The following EFCAB6 variants were observed in gnomAD, a reference collection of about 807,000 sequenced individuals.
EFCAB6 encodes EF-hand calcium-binding domain-containing protein 6.
In EFCAB6, 156 loss-of-function variants were observed where a neutral mutation model predicts 169.8. The observed-to-expected ratio is 0.92, with a 90% CI of 0.81 to 1.05. The LOEUF (loss-of-function observed/expected upper bound fraction) is 1.05. Among genes scored for constraint, EFCAB6 ranks in the 50% least tolerant of loss-of-function variants. EFCAB6 has a pLI of 0.00. For synonymous variants in EFCAB6, 698 were observed against 676.4 expected, an observed-to-expected ratio of 1.03 and a Z score of -0.50; for missense variants, 1,800 against 1,829.1, an observed-to-expected ratio of 0.98 and a Z score of 0.29.
At chr22:43,687,198 C>A (rs2147143360) in intron 11 of EFCAB6, among the ~76,000 whole-genome samples, 1 of 152,334 alleles carries the variant, frequency 6.6e-6, no homozygotes, top group South Asian at 2.1e-4. Flanking sequence ...CTGTCTCCAC[C>A]ACACTCTGAG....
chr22:43,632,116 C>T lies in EFCAB6; in HGVS notation c.2221G>A (p.Glu741Lys), dbSNP rs768195828. ...CLKLFPRRLKESFRDPYSAFF... is the reference protein window; with the variant it reads ...CLKLFPRRLKKSFRDPYSAFF... ...CAGTCACGGTTTACCCGGAATGACT[C>T]CTTCAGCCTCCTAGGGAAAAGCTTC... Residue 741 changes from glutamate to lysine, a missense_variant, in exon 19 of 32, where the codon GAG becomes AAG. Glu to Lys is a moderately conservative substitution (Grantham distance 56). Coordinates refer to ENST00000262726, the MANE Select transcript of EFCAB6 (RefSeq NM_022785.4). The T allele has an allele frequency of 1.2e-6, 2 of 1,613,894 alleles. No individual in the cohort carries two copies. Among genetic ancestry groups the T allele is most frequent in the Middle Eastern group, 1.6e-4 (1 of 6,080 alleles).
At chr22:43,698,047 T>C (rs2058639460) in intron 10 of EFCAB6, among the ~76,000 whole-genome samples, 2 of 152,160 alleles carry the variant, frequency 1.3e-5, no homozygotes. Flanking sequence ...AAGAACACCC[T>C]GCAATATAGC....
chr22:43,738,388 A>G (rs1301743395), intron 6 of EFCAB6, among the ~76,000 whole-genome samples: 1 of 150,656 alleles, frequency 6.6e-6, no homozygotes, highest in Non-Finnish European at 1.5e-5. Flanking sequence ...ATTCACACAC[A>G]CATGCATGTA....
intron 8 of EFCAB6, among the ~76,000 whole-genome samples, chr22:43,723,318 T>C (rs560688315): frequency 6.6e-6 from 1 of 152,260 alleles, no homozygotes; most frequent in East Asian, 1.9e-4. Flanking sequence ...CAGGGCCTAC[T>C]AGAGGAGGAG....
intron 2 of EFCAB6, among the ~76,000 whole-genome samples, chr22:43,784,591 GTATATATACA>G (rs2061975222): frequency 3.5e-5 from 2 of 57,452 alleles, no homozygotes; most frequent in Non-Finnish European, 6.7e-5. Flanking sequence ...ACATATATAT[GTATATATACA>G]CATATATATG....
intron 30 of EFCAB6, 43 bp from the exon 31 acceptor site, chr22:43,531,007 AC>A (rs1261068654): frequency 9.3e-6 from 15 of 1,611,708 alleles, no homozygotes; most frequent in East Asian, 6.7e-5. Context: ...GCTTTTGAAC[AC>A]GAGGGTTGGG....
intron 9 of EFCAB6, among the ~76,000 whole-genome samples, chr22:43,712,465 TA>T (rs1215516611): frequency 6.6e-6 from 1 of 152,156 alleles, no homozygotes; most frequent in East Asian, 1.9e-4. Context: ...ACTAAAGGAA[TA>T]AAAAGCAGAA....
chr22:43,677,888 A>T, intron 13 of EFCAB6, 108 bp downstream of exon 13: 1 of 1,152,748 alleles, frequency 8.7e-7, no homozygotes, highest in South Asian at 1.7e-5. Context: ...TGAAAACTGT[A>T]AAGTCGTTAA....
At chr22:43,629,529 G>T (rs2054777787) in intron 19 of EFCAB6, among the ~76,000 whole-genome samples, 2 of 152,330 alleles carry the variant, frequency 1.3e-5, no homozygotes, top group Non-Finnish European at 2.9e-5. Flanking sequence ...GTGCATTGTG[G>T]CAGGCACTGT....
intron 17 of EFCAB6, among the ~76,000 whole-genome samples, chr22:43,661,547 G>C (rs923436205): frequency 6.6e-6 from 1 of 152,238 alleles, no homozygotes; most frequent in African/African-American, 2.4e-5. Flanking sequence ...CAGGGTTGCT[G>C]TGAGAAATGA....
chr22:43,550,088 A>C (rs537363921), intron 27 of EFCAB6, among the ~76,000 whole-genome samples: 1 of 152,298 alleles, frequency 6.6e-6, no homozygotes, highest in East Asian at 1.9e-4. Flanking sequence ...GTAGGCATTG[A>C]AAGACACGGG....
At chr22:43,734,454 A>G (rs2060062129) in intron 7 of EFCAB6, among the ~76,000 whole-genome samples, 1 of 152,184 alleles carries the variant, frequency 6.6e-6, no homozygotes, top group African/African-American at 2.4e-5. Context: ...TGGAGTTATT[A>G]TTCAATACTT....
intron 12 of EFCAB6, 113 bp from the exon 13 acceptor site, chr22:43,678,276 T>G: frequency 3.3e-5 from 33 of 996,738 alleles, no homozygotes; most frequent in African/African-American, 3.3e-5. Flanking sequence ...CCAAATAGAA[T>G]TATGATTGGA....
At chr22:43,684,336 G>A (rs988919426) in intron 11 of EFCAB6, among the ~76,000 whole-genome samples, 4 of 152,094 alleles carry the variant, frequency 2.6e-5, no homozygotes, top group African/African-American at 2.4e-5. Flanking sequence ...GATGCCCTAC[G>A]TTGTCAGACC....
chr22:43,618,578 G>C (rs1441045602), intron 20 of EFCAB6, among the ~76,000 whole-genome samples: 1 of 152,156 alleles, frequency 6.6e-6, no homozygotes, highest in Non-Finnish European at 1.5e-5. Flanking sequence ...AGTTTCATGG[G>C]GCTTTCCTCC....
chr22:43,619,427 G>T (rs950916286), intron 20 of EFCAB6, among the ~76,000 whole-genome samples: 3 of 152,098 alleles, frequency 2.0e-5, no homozygotes, highest in African/African-American at 7.2e-5. Context: ...AGTCCAAAGT[G>T]ATATAAAATA....
At chr22:43,602,784 G>A (rs926531492) in intron 22 of EFCAB6, among the ~76,000 whole-genome samples, 2 of 151,802 alleles carry the variant, frequency 1.3e-5, no homozygotes, top group African/African-American at 4.8e-5. Context: ...AACCACAACC[G>A]TGCCTTCCTT....
chr22:43,637,769 A>G (rs2055523604), intron 17 of EFCAB6, among the ~76,000 whole-genome samples: 1 of 152,228 alleles, frequency 6.6e-6, no homozygotes, highest in Non-Finnish European at 1.5e-5. Context: ...CCAGCACAGG[A>G]TGGCACTGGT....
intron 26 of EFCAB6, among the ~76,000 whole-genome samples, chr22:43,555,882 G>T (rs750316694): frequency 2.6e-5 from 4 of 152,238 alleles, no homozygotes; most frequent in Non-Finnish European, 5.9e-5. Flanking sequence ...GAGAAAGAGA[G>T]ACAGCAGAAG....
Sources: gnomAD v4.1 joint callset for allele counts (sites outside exome capture counted in the v4.1 genomes callset) on GRCh38, gnomAD v4.1.1 for gene constraint, MANE v1.5 for transcripts, NCBI Gene and HGNC (gene_info 2026-07-23, HGNC 2026-07-21) for gene names.